TBC1D32: variants seen among roughly 807,000 people sequenced by gnomAD.
TBC1D32 encodes the protein protein broad-minded.
TBC1D32 carries 151 observed loss-of-function variants against 170.3 expected under a neutral mutation model. That is an observed-to-expected ratio of 0.89 (90% CI 0.78 to 1.01). The LOEUF is 1.01. Ranked by LOEUF, TBC1D32 falls within the 50% of genes least tolerant of loss-of-function variation. The pLI, the probability that TBC1D32 is intolerant of heterozygous loss-of-function variation, is 0.00. For synonymous variants in TBC1D32, 498 were observed against 488.0 expected (o/e 1.02, Z -0.27); for missense variants, 1,464 against 1,457.1 (o/e 1.00, Z -0.08).
Position 121,118,912 on chromosome 6 carries a change from T to C in TBC1D32, c.2984-3671A>G, listed in dbSNP as rs115463544. 1.5e-3 allele frequency among the ~76,000 whole-genome samples: 229 copies of C among 152,300 alleles called. 1 individual carries two copies. Among genetic ancestry groups the C allele is most frequent in the African/African-American group, 5.3e-3 (222 of 41,584 alleles). ...GTACATGTCTCAGCCTCCTAATTGA[T>C]GTAGTCAGTGTAATTTGGGAAAAAT... On this transcript the variant is annotated intron_variant, in intron 26 of 31. Coordinates refer to ENST00000398212, the MANE Select transcript of TBC1D32 (RefSeq NM_152730.6).
At chr6:121,271,316 T>G (rs867459888) in intron 15 of TBC1D32, among the ~76,000 whole-genome samples, 10 of 152,266 alleles carry the variant, frequency 6.6e-5, no homozygotes, top group Middle Eastern at 3.4e-3. Flanking sequence ...AAAGAGGAAG[T>G]CAAATTGTCC....
chr6:121,108,598 A>G (rs1778919655), intron 29 of TBC1D32, among the ~76,000 whole-genome samples: 1 of 152,140 alleles, frequency 6.6e-6, no homozygotes, highest in African/African-American at 2.4e-5. Flanking sequence ...AGGACTTTAC[A>G]ACAAAACACT....
chr6:121,301,930 G>A (rs902125294), intron 9 of TBC1D32, among the ~76,000 whole-genome samples: 1 of 151,864 alleles, frequency 6.6e-6, no homozygotes, highest in Non-Finnish European at 1.5e-5. Context: ...GCACCTGGCC[G>A]GGAATACAAT....
Position 121,113,133 on chromosome 6 carries a change from T to A in TBC1D32, c.3098A>T (p.Asp1033Val), listed in dbSNP as rs376819254. Reference sequence around the variant, plus strand: ...ACAATGCTTTAAAACCCAGGTAAGATCATTTTCTGCACCATCTTTTAAGAG... The same window carrying A: ...ACAATGCTTTAAAACCCAGGTAAGAACATTTTCTGCACCATCTTTTAAGAG... ...LSLLKDGAEN[D>V]LTWVLKHCER... Residue 1033 changes from aspartate (D) to valine (V), a missense_variant, in exon 28 of 32, where the codon GAT becomes GTT. Coordinates refer to ENST00000398212, the MANE Select transcript of TBC1D32 (RefSeq NM_152730.6). 2 of 1,611,702 alleles carry A rather than the reference T, an allele frequency of 1.2e-6. No individual in the cohort carries two copies. The highest frequency in any genetic ancestry group is 2.7e-5 in the African/African-American group (2 of 74,830).
At chr6:121,107,017 C>G (rs1582801416) in intron 29 of TBC1D32, among the ~76,000 whole-genome samples, 1 of 151,672 alleles carries the variant, frequency 6.6e-6, no homozygotes, top group East Asian at 1.9e-4. Context: ...TAAAGAAAAA[C>G]TGTTCAACTA....
chr6:121,312,571 T>C (rs1398589102), intron 3 of TBC1D32, among the ~76,000 whole-genome samples: 1 of 152,130 alleles, frequency 6.6e-6, no homozygotes, highest in Admixed American at 6.5e-5. Flanking sequence ...ACAAGGCACA[T>C]TCCTTGCCAG....
chr6:121,300,742 G>A (rs754587359), intron 9 of TBC1D32, among the ~76,000 whole-genome samples: 1 of 152,148 alleles, frequency 6.6e-6, no homozygotes, highest in African/African-American at 2.4e-5. Flanking sequence ...TATCATCAGA[G>A]TGAACAGGCA....
At chr6:121,261,252 C>A (rs1055457991) in intron 15 of TBC1D32, among the ~76,000 whole-genome samples, 1 of 152,184 alleles carries the variant, frequency 6.6e-6, no homozygotes, top group Non-Finnish European at 1.5e-5. Flanking sequence ...TGGTTTCCCC[C>A]CAGTGCAGCA....
At chr6:121,120,601 A>G (rs1200670943) in intron 26 of TBC1D32, among the ~76,000 whole-genome samples, 1 of 151,978 alleles carries the variant, frequency 6.6e-6, no homozygotes, top group African/African-American at 2.4e-5. Context: ...ATGTTCATTC[A>G]TAAGTTCATA....
At chr6:121,307,274 A>G (rs1807471217) in intron 5 of TBC1D32, among the ~76,000 whole-genome samples, 1 of 151,876 alleles carries the variant, frequency 6.6e-6, no homozygotes, top group African/African-American at 2.4e-5. Flanking sequence ...TACTTGGGAG[A>G]CTGAGGTGGG....
At chr6:121,139,125 A>T (rs785398) in intron 24 of TBC1D32, among the ~76,000 whole-genome samples, 3 of 152,154 alleles carry the variant, frequency 2.0e-5, no homozygotes, top group Admixed American at 6.5e-5. Context: ...GGATTACAGG[A>T]GTGAGCTACC....
intron 1 of TBC1D32, among the ~76,000 whole-genome samples, chr6:121,328,579 C>T (rs1490137840): frequency 1.3e-5 from 2 of 152,026 alleles, no homozygotes; most frequent in Non-Finnish European, 2.9e-5. Context: ...CCACCATGCC[C>T]GGCCTCTAGT....
chr6:121,245,522 G>A (rs1797482101), intron 17 of TBC1D32, among the ~76,000 whole-genome samples: 1 of 152,152 alleles, frequency 6.6e-6, no homozygotes, highest in Non-Finnish European at 1.5e-5. Flanking sequence ...TAATTGCAGT[G>A]CTGGGCACAG....
intron 30 of TBC1D32, among the ~76,000 whole-genome samples, chr6:121,102,209 G>A (rs1028738600): frequency 1.1e-4 from 16 of 152,102 alleles, no homozygotes; most frequent in Admixed American, 6.6e-5. Context: ...AGCTACCAAT[G>A]ACTTTCTTCA....
intron 24 of TBC1D32, among the ~76,000 whole-genome samples, chr6:121,159,286 T>C (rs1785303164): frequency 6.6e-6 from 1 of 152,202 alleles, no homozygotes; most frequent in African/African-American, 2.4e-5. Flanking sequence ...GTGGGAACCA[T>C]AATCTTCACT....
chr6:121,096,552 C>A (rs965725496), intron 30 of TBC1D32, among the ~76,000 whole-genome samples: 2 of 152,048 alleles, frequency 1.3e-5, no homozygotes, highest in South Asian at 2.1e-4. Context: ...AGAGAGGACA[C>A]AAACAAATGG....
intron 20 of TBC1D32, among the ~76,000 whole-genome samples, chr6:121,228,953 G>A (rs906257109): frequency 9.2e-5 from 14 of 151,902 alleles, no homozygotes; most frequent in East Asian, 3.9e-4. Flanking sequence ...TCTTTCTGGC[G>A]TATTGACCAT....
chr6:121,126,301 A>T (rs1780839487), intron 26 of TBC1D32, 77 bp downstream of exon 26: 2 of 1,078,626 alleles, frequency 1.9e-6, no homozygotes, highest in Admixed American at 2.2e-5. Context: ...GCCTATCTGT[A>T]ATATCATTAC....
At chr6:121,319,251 T>A (rs1809356561) in intron 2 of TBC1D32, among the ~76,000 whole-genome samples, 1 of 151,334 alleles carries the variant, frequency 6.6e-6, no homozygotes, top group African/African-American at 2.4e-5. Flanking sequence ...GGTAACAGAG[T>A]CCGAGGAATA....
Sources: allele counts gnomAD v4.1 joint callset (sites outside exome capture counted in the v4.1 genomes callset), GRCh38; gene constraint gnomAD v4.1.1; transcripts MANE v1.5; gene names NCBI Gene and HGNC (gene_info 2026-07-23, HGNC 2026-07-21).